Variants in DGKB observed in about 807,000 individuals in gnomAD.
DGKB encodes 90 kDa diacylglycerol kinase.
Under a neutral mutation model 114.3 loss-of-function variants are expected in DGKB, and 67 were observed. That is an observed-to-expected ratio of 0.59 (90% CI 0.48 to 0.72). The LOEUF (loss-of-function observed/expected upper bound fraction) is 0.72. Ranked by LOEUF, DGKB falls within the 30% of genes least tolerant of loss-of-function variation. The pLI, the probability that DGKB is intolerant of heterozygous loss-of-function variation, is 0.00. For missense variants in DGKB, 907 were observed against 975.2 expected, an observed-to-expected ratio of 0.93 and a Z score of 0.93; for synonymous variants, 398 against 323.1, an observed-to-expected ratio of 1.23 and a Z score of -2.49.
intron 1 of DGKB, among the ~76,000 whole-genome samples, chr7:14,891,622 G>A (rs373468174): frequency 1.3e-5 from 2 of 151,564 alleles, no homozygotes; most frequent in East Asian, 3.9e-4. Flanking sequence ...AGAGAAGGTT[G>A]TGAGTAGAGA....
intron 12 of DGKB, among the ~76,000 whole-genome samples, chr7:14,674,709 C>T (rs1563870722): frequency 6.6e-6 from 1 of 152,024 alleles, no homozygotes; most frequent in Non-Finnish European, 1.5e-5. Context: ...GAGACAACGG[C>T]ACAGAGAGGA....
At chr7:14,467,104 T>C (rs1780587470) in intron 21 of DGKB, among the ~76,000 whole-genome samples, 1 of 151,620 alleles carries the variant, frequency 6.6e-6, no homozygotes, top group Non-Finnish European at 1.5e-5. Context: ...TATTTATGCT[T>C]AATGAGTTTT....
At chr7:14,769,745 A>T (rs1837136230) in intron 2 of DGKB, among the ~76,000 whole-genome samples, 1 of 151,782 alleles carries the variant, frequency 6.6e-6, no homozygotes, top group Admixed American at 6.6e-5. Flanking sequence ...TTAGTTTCAC[A>T]CCTCTCCTCT....
At chr7:14,824,509 C>A (rs898683598) in intron 2 of DGKB, among the ~76,000 whole-genome samples, 4 of 151,808 alleles carry the variant, frequency 2.6e-5, no homozygotes, top group Admixed American at 2.6e-4. Context: ...ATGAAATTAC[C>A]AAGTTATTTT....
At chr7:14,845,245 A>G (rs150891084) in intron 1 of DGKB, among the ~76,000 whole-genome samples, 9 of 152,252 alleles carry the variant, frequency 5.9e-5, no homozygotes, top group Admixed American at 3.3e-4. Context: ...AGGAATGCTA[A>G]CCATGTATCA....
intron 23 of DGKB, among the ~76,000 whole-genome samples, chr7:14,288,111 C>A (rs1801163833): frequency 6.6e-6 from 1 of 151,534 alleles, no homozygotes; most frequent in African/African-American, 2.4e-5. Context: ...CAAGTAGTAT[C>A]TTATTGGAGC....
chr7:14,198,732 C>A (rs546281727), intron 23 of DGKB, among the ~76,000 whole-genome samples: 1 of 151,956 alleles, frequency 6.6e-6, no homozygotes, highest in African/African-American at 2.4e-5. Context: ...AGAGTACTGG[C>A]CACAGTGTAT....
intron 23 of DGKB, among the ~76,000 whole-genome samples, chr7:14,210,197 A>G (rs1787528247): frequency 6.6e-6 from 1 of 152,034 alleles, no homozygotes; most frequent in African/African-American, 2.4e-5. Context: ...TTCCTAGTCC[A>G]CCACTATCCA....
intron 23 of DGKB, among the ~76,000 whole-genome samples, chr7:14,197,542 A>G (rs116738628): frequency 0.012 from 1,810 of 152,202 alleles, 44 homozygotes; most frequent in African/African-American, 0.041. Flanking sequence ...GAAAACCTCT[A>G]TTCAGTTACA....
intron 25 of DGKB, among the ~76,000 whole-genome samples, chr7:14,169,227 T>C (rs572375551): frequency 6.7e-6 from 1 of 148,572 alleles, no homozygotes. Context: ...TAGCCAGGTG[T>C]GGTGGCGGGC....
chr7:14,385,200 C>T (rs973160945), intron 21 of DGKB, among the ~76,000 whole-genome samples: 5 of 152,034 alleles, frequency 3.3e-5, no homozygotes, highest in African/African-American at 4.8e-5. Context: ...ATGCTGTATG[C>T]TAACTCCTGA....
chr7:14,601,296 T>A (rs1260515750), intron 17 of DGKB, among the ~76,000 whole-genome samples: 1 of 152,090 alleles, frequency 6.6e-6, no homozygotes, highest in Non-Finnish European at 1.5e-5. Context: ...GTGCTCTGAA[T>A]CCCTCTTTGA....
At chr7:14,194,707 T>C (rs372475353) in intron 23 of DGKB, among the ~76,000 whole-genome samples, 20 of 152,258 alleles carry the variant, frequency 1.3e-4, no homozygotes, top group African/African-American at 4.6e-4. Context: ...ATATTCATAG[T>C]GGAAGCCTGA....
intron 3 of DGKB, among the ~76,000 whole-genome samples, chr7:14,754,588 ATG>A (rs1454248265): frequency 2.3e-5 from 3 of 132,696 alleles, no homozygotes; most frequent in African/African-American, 9.9e-5. Flanking sequence ...GAAAAAAAAA[ATG>A]TGTGGAATGC....
intron 1 of DGKB, among the ~76,000 whole-genome samples, chr7:14,883,606 G>C (rs1033183770): frequency 6.6e-6 from 1 of 152,016 alleles, no homozygotes; most frequent in Non-Finnish European, 1.5e-5. Flanking sequence ...TGTACACTCA[G>C]AGCCATGTGG....
chr7:14,290,145 A>G (rs1442328099), intron 23 of DGKB, among the ~76,000 whole-genome samples: 1 of 152,182 alleles, frequency 6.6e-6, no homozygotes, highest in African/African-American at 2.4e-5. Context: ...TCAAAGCCCA[A>G]CCAGGCTCTG....
intron 1 of DGKB, among the ~76,000 whole-genome samples, chr7:14,965,768 A>G (rs546242031): frequency 4.3e-4 from 65 of 152,222 alleles, no homozygotes; most frequent in African/African-American, 1.5e-3. Flanking sequence ...AAGAAGTCTC[A>G]TTAGTTCAAA....
chr7:14,410,599 C>A (rs965610563), intron 21 of DGKB, among the ~76,000 whole-genome samples: 11 of 152,180 alleles, frequency 7.2e-5, no homozygotes, highest in African/African-American at 2.2e-4. Context: ...CTGAATAAAT[C>A]TGGCTACATA....
At chr7:14,258,681 A>C (rs1443792604) in intron 23 of DGKB, among the ~76,000 whole-genome samples, 1 of 152,238 alleles carries the variant, frequency 6.6e-6, no homozygotes, top group Non-Finnish European at 1.5e-5. Context: ...GGAAATACGC[A>C]TAAGCACAAT....
Sources: gnomAD v4.1 joint callset for allele counts (sites outside exome capture counted in the v4.1 genomes callset) on GRCh38, gnomAD v4.1.1 for gene constraint, MANE v1.5 for transcripts, NCBI Gene and HGNC (gene_info 2026-07-23, HGNC 2026-07-21) for gene names.